The following LCA5L variants were observed in gnomAD, a reference collection of about 807,000 sequenced individuals.
LCA5L encodes the protein lebercilin LCA5 like, also known as lebercilin-like protein.
In LCA5L, 35 loss-of-function variants were observed where a neutral mutation model predicts 45.4. That is an observed-to-expected ratio of 0.77 (90% CI 0.59 to 1.02). The LOEUF (loss-of-function observed/expected upper bound fraction) is 1.02, where lower values mean the gene tolerates loss of function less well. LCA5L is among the 50% of genes least tolerant of loss of function. The pLI, the probability that LCA5L is intolerant of heterozygous loss-of-function variation, is 0.00. For synonymous variants in LCA5L, 233 were observed against 264.7 expected, an observed-to-expected ratio of 0.88 and a Z score of 1.16; for missense variants, 668 against 761.6, an observed-to-expected ratio of 0.88 and a Z score of 1.45.
intron 2 of LCA5L, among the ~76,000 whole-genome samples, chr21:39,438,414 T>C (rs2076493574): frequency 6.6e-6 from 1 of 152,000 alleles, no homozygotes; most frequent in Admixed American, 6.5e-5. Flanking sequence ...ACATAAAGCC[T>C]AGAACCATAA....
At chr21:39,428,876 A>AGT (rs2075330557) in intron 4 of LCA5L, among the ~76,000 whole-genome samples, 1 of 151,848 alleles carries the variant, frequency 6.6e-6, no homozygotes, top group Non-Finnish European at 1.5e-5. Flanking sequence ...GGTCTCACAA[A>AGT]GTGGTGGGAT....
Position 39,406,557 on chromosome 21 carries a change from T to C in LCA5L, c.1338A>G (p.Gly446=). The part of the protein sequence containing the change: ...LEVQILLENT[G]RQKDKKEDQE... ...GGTCTTCTTTTTTGTCTTTTTGTCT[T>C]CCAGTATTCTCCAGCAGTATTTGGA... The change falls in exon 11 of 11, where the codon GGA becomes GGG. Residue 446 remains glycine, a synonymous_variant. Transcript: ENST00000288350. 3 of 1,608,896 alleles carry C rather than the reference T, an allele frequency of 1.9e-6. No individual in the cohort carries two copies. Among genetic ancestry groups the C allele is most frequent in the Non-Finnish European group, 2.5e-6 (3 of 1,177,790 alleles).
chr21:39,427,442 CA>C (rs1318380951), intron 5 of LCA5L, among the ~76,000 whole-genome samples: 10 of 152,000 alleles, frequency 6.6e-5, no homozygotes, highest in Admixed American at 3.3e-4. Flanking sequence ...GCAGGCGGAT[CA>C]CGAGGTCAGG....
chr21:39,443,991 C>T (rs1449038843), intron 2 of LCA5L, 144 bp downstream of exon 2: 1 of 151,280 alleles, frequency 6.6e-6, no homozygotes, highest in Non-Finnish European at 1.5e-5. Flanking sequence ...GATCTTGCCA[C>T]TGCACTCCAG....
chr21:39,431,828 T>C lies in LCA5L; in HGVS notation c.-91-2617A>G, dbSNP rs554873759. On this transcript the variant is annotated intron_variant, in intron 3 of 10. Coordinates refer to ENST00000288350, the MANE Select transcript of LCA5L (RefSeq NM_152505.4). ...AGCGCGCCTGGCCTGCCATAAATTT[T>C]CTAGTGGATGTACTGTCAACTTGCT... Among the ~76,000 whole-genome samples the C allele has an allele frequency of 2.0e-5, 3 of 152,258 alleles. No homozygotes were observed. The South Asian group carries it at 6.2e-4, about 32-fold the overall frequency.
At position 39,423,019 on chromosome 21, in the gene LCA5L, G is replaced by T; in HGVS notation, c.794C>A (p.Ser265Tyr). 1 of 1,613,996 alleles carries T rather than the reference G, an allele frequency of 6.2e-7. No individual in the cohort carries two copies. Among genetic ancestry groups the T allele is most frequent in the Non-Finnish European group, 8.5e-7 (1 of 1,179,940 alleles). The part of the protein sequence containing the change: ...AEREELTHKL[S>Y]IITTKMDAND... Reference sequence around the variant, plus strand: ...TGCGTCCATTTTTGTTGTGATAATAGATAATTTATGAGTGAGTTCTTCCCT... The same window carrying T: ...TGCGTCCATTTTTGTTGTGATAATATATAATTTATGAGTGAGTTCTTCCCT... Residue 265 changes from serine to tyrosine, a missense_variant, in exon 6 of 11, where the codon TCT becomes TAT. Ser to Tyr is a moderately radical substitution (Grantham distance 144). Transcript: ENST00000288350.
intron 1 of LCA5L, among the ~76,000 whole-genome samples, chr21:39,445,187 C>T (rs980364048): frequency 7.0e-6 from 1 of 142,468 alleles, no homozygotes; most frequent in Admixed American, 7.4e-5. Context: ...ATAAAGAGCC[C>T]CGAGGCTGGG....
At position 39,417,839 on chromosome 21, in the gene LCA5L, C is replaced by A. The variant is rs59518111; in HGVS notation, c.975+2867G>T. Reference sequence around the variant, plus strand: ...GGAGTGCGGTGGCGTGATCTCCGCTCACTGCAAGCTCCGCCTCCCGAGTTC... The same window carrying A: ...GGAGTGCGGTGGCGTGATCTCCGCTAACTGCAAGCTCCGCCTCCCGAGTTC... On this transcript the variant is annotated intron_variant, in intron 7 of 10. Coordinates refer to ENST00000288350, the MANE Select transcript of LCA5L (RefSeq NM_152505.4). Among the ~76,000 whole-genome samples the A allele has an allele frequency of 2.0e-3, 307 of 152,250 alleles. 2 individuals carry two copies. The highest frequency in any genetic ancestry group is 7.2e-3 in the African/African-American group (299 of 41,548).
At chr21:39,415,628 AGTTT>A (rs1415543479) in intron 7 of LCA5L, among the ~76,000 whole-genome samples, 4 of 152,148 alleles carry the variant, frequency 2.6e-5, no homozygotes, top group Non-Finnish European at 5.9e-5. Context: ...TCAAATATCC[AGTTT>A]GTTTAACATT....
At chr21:39,441,881 T>G (rs1480661106) in intron 2 of LCA5L, among the ~76,000 whole-genome samples, 1 of 152,250 alleles carries the variant, frequency 6.6e-6, no homozygotes, top group Non-Finnish European at 1.5e-5. Flanking sequence ...TTAGTATCTC[T>G]TACATATTAG....
rs542101295 is a variant in LCA5L at position 39,420,395 on chromosome 21, T to C, written c.975+311A>G. Among the ~76,000 whole-genome samples the C allele has an allele frequency of 1.2e-4, 18 of 151,766 alleles. No homozygotes were observed. The South Asian group carries it at 3.5e-3, about 30-fold the overall frequency. On this transcript the variant is annotated intron_variant, in intron 7 of 10. Transcript: ENST00000288350. ...AAAATTAGCCAAGCGTGGTGTTGCA[T>C]GCCTGTACTCCTAGCTACTCAGGAG...
In LCA5L at chr21:39,420,759, T is replaced by C. The variant is rs766722088; in HGVS notation, c.922A>G (p.Thr308Ala). The stretch of plus-strand genomic sequence containing the variant: ...TCCACCTGCAGAGTCTTGGTAGCTG[T>C]CTGAGCTGCTAAAGTCTTCCGAGTC... ...IETRKTLAAQ[T>A]ATKTLQVEVK... Residue 308 changes from threonine to alanine, a missense_variant, in exon 7 of 11, where the codon ACA becomes GCA. Physicochemically the swap from Thr to Ala is moderately conservative, Grantham distance 58. Coordinates refer to ENST00000288350, the MANE Select transcript of LCA5L (RefSeq NM_152505.4). The C allele has an allele frequency of 6.2e-7, 1 of 1,613,654 alleles. No homozygotes were observed. Among genetic ancestry groups the C allele is most frequent in the Admixed American group, 1.7e-5 (1 of 60,022 alleles).
At chr21:39,440,070 T>C (rs1402870262) in intron 2 of LCA5L, among the ~76,000 whole-genome samples, 2 of 152,092 alleles carry the variant, frequency 1.3e-5, no homozygotes, top group African/African-American at 4.8e-5. Flanking sequence ...TGTGTATGTG[T>C]ATATACATAT....
chr21:39,428,192 G>GA lies in LCA5L; in HGVS notation c.301dup (p.Ser101PhefsTer2). On this transcript the variant is annotated frameshift_variant, in exon 5 of 11. Coordinates refer to ENST00000288350, the MANE Select transcript of LCA5L (RefSeq NM_152505.4). LOFTEE classifies it high-confidence loss of function. ...CTTACCTTTAGATTGGGAGATTTTAGAAACATTATACTTTTTCTTCTCCTT... is the reference window on the plus strand; with the variant it reads ...CTTACCTTTAGATTGGGAGATTTTAGAAAACATTATACTTTTTCTTCTCCTT... 1 of 1,581,274 alleles carries GA rather than the reference G, an allele frequency of 6.3e-7. No individual in the cohort carries two copies. The highest frequency in any genetic ancestry group is 8.6e-7 in the Non-Finnish European group (1 of 1,161,522).
intron 7 of LCA5L, among the ~76,000 whole-genome samples, chr21:39,417,590 G>A: frequency 6.6e-6 from 1 of 152,052 alleles, no homozygotes; most frequent in Non-Finnish European, 1.5e-5. Context: ...AGACATAACT[G>A]AGTCTAGGTA....
Position 39,406,389 on chromosome 21 carries a change from C to T in LCA5L, c.1506G>A (p.Val502=). 1 of 1,614,124 alleles carries T rather than the reference C, an allele frequency of 6.2e-7. No homozygotes were observed. The highest frequency in any genetic ancestry group is 8.5e-7 in the Non-Finnish European group (1 of 1,180,020). Residue 502 remains valine (V), a synonymous_variant, in exon 11 of 11, where the codon GTG becomes GTA. Coordinates refer to ENST00000288350, the MANE Select transcript of LCA5L (RefSeq NM_152505.4). ...CAGTGCCTTTGCCAAGTGTGTCATC[C>T]ACACCATTTCTCTGCATGCTTCTTT... ...KFKRSMQRNG[V]DDTLGKGTAP...
chr21:39,445,435 G>A (rs920888288), intron 1 of LCA5L: 1 of 152,370 alleles, frequency 6.6e-6, no homozygotes, highest in African/African-American at 2.4e-5. Context: ...CGCGGCCCCG[G>A]GAGCGCTAGG....
At chr21:39,429,876 G>C (rs966441999) in intron 3 of LCA5L, among the ~76,000 whole-genome samples, 2 of 152,058 alleles carry the variant, frequency 1.3e-5, no homozygotes, top group African/African-American at 4.8e-5. Flanking sequence ...AAATTAGTGG[G>C]GTGTGGTGGT....
At chr21:39,428,138 A>T (rs1298486661) in intron 5 of LCA5L, 34 bp downstream of exon 5, 1 of 1,230,688 alleles carries the variant, frequency 8.1e-7, no homozygotes, top group East Asian at 2.3e-5. Context: ...TTATGACAGA[A>T]ATTTGGTCTT....
Sources: allele counts gnomAD v4.1 joint callset (sites outside exome capture counted in the v4.1 genomes callset), GRCh38; gene constraint gnomAD v4.1.1; transcripts MANE v1.5; gene names NCBI Gene and HGNC (gene_info 2026-07-23, HGNC 2026-07-21).